Variants in SYNE1 observed in about 807,000 individuals in gnomAD.
SYNE1 encodes nesprin-1.
SYNE1 carries 616 observed loss-of-function variants against 1,111.0 expected under a neutral mutation model. The observed-to-expected ratio is 0.55, with a 90% confidence interval of 0.52 to 0.59. The LOEUF is 0.59. SYNE1 is among the 20% of genes least tolerant of loss of function. SYNE1 has a pLI of 0.00. For synonymous variants in SYNE1, 3,855 were observed against 3,825.8 expected (o/e 1.01, Z -0.28); for missense variants, 10,006 against 10,417.0 (o/e 0.96, Z 1.72).
At chr6:152,428,489 T>G (rs2098394553) in intron 36 of SYNE1, 97 bp from the exon 37 acceptor site, 2 of 1,232,326 alleles carry the variant, frequency 1.6e-6, no homozygotes, top group African/African-American at 3.0e-5. Context: ...TTTCCCTCAG[T>G]CATAATAAAC....
At chr6:152,632,615 C>A (rs2099699777) in intron 2 of SYNE1, among the ~76,000 whole-genome samples, 1 of 152,022 alleles carries the variant, frequency 6.6e-6, no homozygotes, top group Non-Finnish European at 1.5e-5. Flanking sequence ...GAGTGTGGTA[C>A]CAGGAAATGC....
intron 35 of SYNE1, 22 bp downstream of exon 35, chr6:152,430,460 G>T (rs772360968): frequency 3.8e-6 from 6 of 1,591,864 alleles, no homozygotes; most frequent in East Asian, 2.2e-5. Context: ...GTAAACTTAA[G>T]TATAGGTGGA....
intron 104 of SYNE1, among the ~76,000 whole-genome samples, chr6:152,254,602 AAATTAT>A (rs1053474591): frequency 6.6e-5 from 10 of 152,260 alleles, no homozygotes; most frequent in Middle Eastern, 3.4e-3. Context: ...TAGTAACTAA[AAATTAT>A]AATTATAATG....
At chr6:152,482,466 A>G (rs900038876) in intron 14 of SYNE1, among the ~76,000 whole-genome samples, 1 of 152,246 alleles carries the variant, frequency 6.6e-6, no homozygotes, top group Non-Finnish European at 1.5e-5. Context: ...TACAAATTCA[A>G]TTGCATAAAA....
At chr6:152,422,661 C>A (rs1324469486) in intron 39 of SYNE1, among the ~76,000 whole-genome samples, 1 of 152,090 alleles carries the variant, frequency 6.6e-6, no homozygotes, top group Non-Finnish European at 1.5e-5. Context: ...TGCCACCATG[C>A]CTGGATACTT....
Position 152,189,346 on chromosome 6 carries a change from T to C in SYNE1, c.23207A>G (p.Asp7736Gly), listed in dbSNP as rs2071515617. 6.2e-7 allele frequency: 1 copy of C among 1,614,010 alleles called. No homozygotes were observed. The highest frequency in any genetic ancestry group is 1.3e-5 in the African/African-American group (1 of 74,912). The part of the protein sequence containing the change: ...DDLTQLSLLK[D>G]TLSAYISADD... ...AGCACTGATATAGGCAGAGAGGGTGTCCTTCAGCAGGCTCAACTGGGTCAA... is the reference window on the plus strand; with the variant it reads ...AGCACTGATATAGGCAGAGAGGGTGCCCTTCAGCAGGCTCAACTGGGTCAA... The change falls in exon 128 of 146, where the codon GAC (aspartate) becomes GGC (glycine). Residue 7736 changes from aspartate to glycine, a missense_variant. Around this residue, in one of 7 missense-constraint regions of SYNE1, gnomAD observed 2,182 missense variants for 2,287.8 expected, o/e 0.95. Coordinates refer to ENST00000367255, the MANE Select transcript of SYNE1 (RefSeq NM_182961.4).
At position 152,628,485 on chromosome 6, in the gene SYNE1, C is replaced by A; in HGVS notation, c.-154G>T. ...TGCAGCACTCAACAAGGAGGCAGCT[C>A]TCCCAAAGACTGAACTGCTTCTTTT... On this transcript the variant is annotated 5_prime_UTR_variant, in exon 3 of 146. Transcript: ENST00000367255. The A allele has an allele frequency of 1.4e-6, 1 of 726,258 alleles. No homozygotes were observed. Among genetic ancestry groups the A allele is most frequent in the East Asian group, 2.7e-5 (1 of 37,434 alleles). The allele number at this position is 726,258 out of a possible 1,614,324, so 45.0% of individuals were successfully genotyped here.
At position 152,206,340 on chromosome 6, in the gene SYNE1, C is replaced by T. The variant is rs780964504; in HGVS notation, c.22847G>A (p.Arg7616Gln). ...AGTCAGGATGTAGCTGCCTTGTTGC[C>T]GCAGAAACACTTTTTCTTTGAACTG... ...EVQFKEKVFLRQQGSYILTVE... is the reference protein window; with the variant it reads ...EVQFKEKVFLQQQGSYILTVE... Residue 7616 changes from arginine (R) to glutamine (Q), a missense_variant, in exon 126 of 146, where the codon CGG (arginine) becomes CAG (glutamine). By Grantham distance (43) the Arg-to-Gln change is conservative. Transcript: ENST00000367255. 9.9e-6 allele frequency: 16 copies of T among 1,613,744 alleles called. No homozygotes were observed. The highest frequency in any genetic ancestry group is 2.2e-5 in the South Asian group (2 of 91,066).
intron 3 of SYNE1, among the ~76,000 whole-genome samples, chr6:152,607,917 G>A (rs922371586): frequency 4.6e-5 from 7 of 152,138 alleles, no homozygotes; most frequent in African/African-American, 1.7e-4. Flanking sequence ...ATCATCCTCA[G>A]CAAACTAACA....
At chr6:152,434,383 T>A (rs572420327) in intron 33 of SYNE1, 75 of 168,150 alleles carry the variant, frequency 4.5e-4, no homozygotes, top group Non-Finnish European at 8.0e-4. Context: ...GCAGTGATGC[T>A]TTCTATAGAA....
At chr6:152,629,636 C>T (rs1366292283) in intron 2 of SYNE1, among the ~76,000 whole-genome samples, 2 of 151,006 alleles carry the variant, frequency 1.3e-5, no homozygotes, top group Non-Finnish European at 2.9e-5. Context: ...ATAAGAATTT[C>T]CTAACCCTAG....
At chr6:152,571,948 C>T (rs1046226351) in intron 3 of SYNE1, among the ~76,000 whole-genome samples, 1 of 152,030 alleles carries the variant, frequency 6.6e-6, no homozygotes, top group Non-Finnish European at 1.5e-5. Flanking sequence ...TTAAAAATTT[C>T]CTTGCCAGGA....
At chr6:152,601,029 A>G (rs2099594911) in intron 3 of SYNE1, among the ~76,000 whole-genome samples, 1 of 152,238 alleles carries the variant, frequency 6.6e-6, no homozygotes, top group South Asian at 2.1e-4. Flanking sequence ...AAAATCAGAC[A>G]ATCTGGGAAG....
chr6:152,291,903 C>T (rs908639201), intron 95 of SYNE1, among the ~76,000 whole-genome samples: 5 of 152,190 alleles, frequency 3.3e-5, no homozygotes, highest in Admixed American at 1.3e-4. Flanking sequence ...CTTCTGAATG[C>T]TTAAAGAACG....
At chr6:152,505,529 GA>G in intron 8 of SYNE1, 132 bp from the exon 9 acceptor site, 1 of 1,038,380 alleles carries the variant, frequency 9.6e-7, no homozygotes, top group Non-Finnish European at 1.4e-6. Context: ...TTGTATTTGA[GA>G]AAAATTAAGG....
At position 152,141,317 on chromosome 6, in the gene SYNE1, C is replaced by T. The variant is rs780271781; in HGVS notation, c.25132G>A (p.Gly8378Ser). The T allele has an allele frequency of 1.2e-6, 2 of 1,614,108 alleles. No homozygotes were observed. The highest frequency in any genetic ancestry group is 3.3e-5 in the Admixed American group (2 of 60,024). ...GAGTCTATACTGCTACTGCATTCGC[C>T]CAGCAGTTTCATCTGTTTAGACATA... is the stretch of plus-strand genomic sequence containing the variant. ...TSYKGYMKLLGECSSSIDSVK... is the reference protein window; with the variant it reads ...TSYKGYMKLLSECSSSIDSVK... The change falls in exon 139 of 146, where the codon GGC (glycine) becomes AGC (serine). Residue 8378 changes from glycine (G) to serine (S), a missense_variant. Physicochemically the swap from Gly to Ser is moderately conservative, Grantham distance 56. Coordinates refer to ENST00000367255, the MANE Select transcript of SYNE1 (RefSeq NM_182961.4).
At chr6:152,324,643 A>T (rs986452249) in intron 81 of SYNE1, among the ~76,000 whole-genome samples, 17 of 151,732 alleles carry the variant, frequency 1.1e-4, no homozygotes, top group Non-Finnish European at 2.5e-4. Context: ...AAATACAAAA[A>T]ATTGGCCAGG....
chr6:152,168,907 T>C (rs1468942915), intron 130 of SYNE1, among the ~76,000 whole-genome samples: 2 of 152,184 alleles, frequency 1.3e-5, no homozygotes, highest in African/African-American at 2.4e-5. Flanking sequence ...AAAAAATAAC[T>C]ATATTCATTT....
chr6:152,575,181 G>A (rs952356251), intron 3 of SYNE1, among the ~76,000 whole-genome samples: 2 of 152,100 alleles, frequency 1.3e-5, no homozygotes, highest in African/African-American at 2.4e-5. Flanking sequence ...TGTAATAAAT[G>A]CCCTAAAGGA....
Sources: allele counts gnomAD v4.1 joint callset (sites outside exome capture counted in the v4.1 genomes callset), GRCh38; gene constraint gnomAD v4.1.1; regional missense constraint gnomAD v4.1.1; transcripts MANE v1.5; gene names NCBI Gene and HGNC (gene_info 2026-07-23, HGNC 2026-07-21).